Variants in CSPP1 observed in about 807,000 individuals in gnomAD.
CSPP1 encodes centrosome and spindle pole associated protein 1, also known as centrosome and spindle pole-associated protein 1.
A neutral mutation model predicts 164.4 loss-of-function variants in CSPP1; 126 were observed. That is an observed-to-expected ratio of 0.77 (90% CI 0.66 to 0.89). CSPP1 has a LOEUF of 0.89. Among genes scored for constraint, CSPP1 ranks in the 40% least tolerant of loss-of-function variants. CSPP1 has a pLI of 0.00. For missense variants in CSPP1, 1,395 were observed against 1,449.8 expected, an observed-to-expected ratio of 0.96 and a Z score of 0.61; for synonymous variants, 472 against 476.7, an observed-to-expected ratio of 0.99 and a Z score of 0.13.
Position 67,064,447 on chromosome 8 carries a change from G to T in CSPP1, c.-102G>T. The T allele has an allele frequency of 1.2e-6, 2 of 1,613,982 alleles. No homozygotes were observed. The highest frequency in any genetic ancestry group is 1.3e-5 in the African/African-American group (1 of 75,060). ...CGCTGTAACCTCTTCGGTCCGCGAC[G>T]ATCCTCTAGAGCACTGTGTGTCTCC... On this transcript the variant is annotated 5_prime_UTR_variant, in exon 1 of 31. Coordinates refer to ENST00000678616, the MANE Select transcript of CSPP1 (RefSeq NM_001382391.1).
chr8:67,123,716 A>G (rs117618916), intron 15 of CSPP1, among the ~76,000 whole-genome samples: 2,991 of 151,054 alleles, frequency 0.02, 58 homozygotes, highest in Non-Finnish European at 0.033. Flanking sequence ...GGCTCAAGCA[A>G]TCCTTCCACT....
chr8:67,122,938 C>G (rs1157405485), intron 15 of CSPP1: 1 of 152,252 alleles, frequency 6.6e-6, no homozygotes, highest in Non-Finnish European at 1.5e-5. Flanking sequence ...GCTCTGTCAC[C>G]CAAGCTGGAA....
At position 67,195,639 on chromosome 8, in the gene CSPP1, A is replaced by ATAT. The variant is rs752492612; in HGVS notation, c.*47_*48insATT. The ATAT allele has an allele frequency of 7.8e-6, 12 of 1,538,934 alleles. No individual in the cohort carries two copies. Among genetic ancestry groups the ATAT allele is most frequent in the Non-Finnish European group, 1.1e-5 (12 of 1,116,782 alleles). The stretch of plus-strand genomic sequence containing the variant: ...AGTAGTGCCTTTTAAGGTGAAAGGA[A>ATAT]TGGTAAATCTGTACCTTTAATATGT... On this transcript the variant is annotated 3_prime_UTR_variant, in exon 31 of 31. Transcript: ENST00000678616.
chr8:67,194,738 T>TATTA (rs568882329), intron 30 of CSPP1, among the ~76,000 whole-genome samples: 395 of 151,776 alleles, frequency 2.6e-3, no homozygotes, highest in Non-Finnish European at 3.8e-3. Context: ...CAGATTTTCC[T>TATTA]ATTATTATAC....
chr8:67,077,437 G>A (rs1808189049), intron 3 of CSPP1, among the ~76,000 whole-genome samples: 1 of 152,108 alleles, frequency 6.6e-6, no homozygotes. Flanking sequence ...CCAGGTTCAG[G>A]CGATTCTCCT....
intron 4 of CSPP1, among the ~76,000 whole-genome samples, chr8:67,087,810 G>C (rs1472873166): frequency 1.3e-5 from 2 of 152,158 alleles, no homozygotes; most frequent in African/African-American, 4.8e-5. Context: ...TTCTTAAATA[G>C]CTTGTGAAGA....
rs1563637528 is a variant in CSPP1, at chr8:67,131,256, G to T, written c.1698-695G>T. Among the ~76,000 whole-genome samples the T allele has an allele frequency of 3.3e-5, 5 of 152,050 alleles. No individual in the cohort carries two copies. In the South Asian group the frequency reaches 6.2e-4, roughly 19 times the overall value. On this transcript the variant is annotated intron_variant, in intron 15 of 30. Coordinates refer to ENST00000678616, the MANE Select transcript of CSPP1 (RefSeq NM_001382391.1). Reference sequence around the variant, plus strand: ...AAAAAAGTGAGCCATGCATGGTGATGTGCACCTATACCCCCAGCTATTTGA... The same window carrying T: ...AAAAAAGTGAGCCATGCATGGTGATTTGCACCTATACCCCCAGCTATTTGA...
At chr8:67,132,148 A>G (rs1030085448) in intron 16 of CSPP1, 68 bp downstream of exon 16, 5 of 1,448,816 alleles carry the variant, frequency 3.5e-6, no homozygotes, top group African/African-American at 2.9e-5. Context: ...CTTAGAGCTC[A>G]GAGTGTGGCC....
intron 10 of CSPP1, among the ~76,000 whole-genome samples, chr8:67,112,279 T>A (rs1817020783): frequency 6.6e-6 from 1 of 151,722 alleles, no homozygotes; most frequent in Non-Finnish European, 1.5e-5. Flanking sequence ...TGAGAGTATT[T>A]ATATATTCTG....
At chr8:67,182,753 A>G (rs1360510067) in intron 28 of CSPP1, among the ~76,000 whole-genome samples, 2 of 152,190 alleles carry the variant, frequency 1.3e-5, no homozygotes, top group Non-Finnish European at 1.5e-5. Flanking sequence ...ACATCTTTAC[A>G]TGTGCTTATT....
chr8:67,168,079 G>A (rs555552165), intron 24 of CSPP1, among the ~76,000 whole-genome samples: 6 of 152,332 alleles, frequency 3.9e-5, no homozygotes, highest in Admixed American at 2.0e-4. Flanking sequence ...CAGATCACTC[G>A]TGGTTAGGAG....
intron 16 of CSPP1, among the ~76,000 whole-genome samples, chr8:67,137,144 G>T (rs916819256): frequency 2.0e-5 from 3 of 151,926 alleles, no homozygotes; most frequent in South Asian, 2.1e-4. Context: ...ACCACACCCA[G>T]CTAATTTTTG....
At chr8:67,168,152 T>C (rs1460427753) in intron 24 of CSPP1, among the ~76,000 whole-genome samples, 5 of 152,002 alleles carry the variant, frequency 3.3e-5, no homozygotes, top group Non-Finnish European at 1.5e-5. Context: ...CGAAAACTAG[T>C]CAGGCGTGGT....
chr8:67,090,472 A>AG (rs1260912649), intron 4 of CSPP1, among the ~76,000 whole-genome samples: 1 of 151,896 alleles, frequency 6.6e-6, no homozygotes, highest in African/African-American at 2.4e-5. Flanking sequence ...TTTTTAGTAG[A>AG]GGGGGTTTCG....
In CSPP1 at chr8:67,064,418, T is replaced by G. The variant is rs1805068459; in HGVS notation, c.-131T>G. The G allele has an allele frequency of 6.2e-7, 1 of 1,613,784 alleles. No homozygotes were observed. Among genetic ancestry groups the G allele is most frequent in the Non-Finnish European group, 8.5e-7 (1 of 1,179,872 alleles). ...TCTGTCATGCTGTTCCCGCTCCAGG[T>G]GGCCGCTGTAACCTCTTCGGTCCGC... On this transcript the variant is annotated 5_prime_UTR_variant, in exon 1 of 31. Coordinates refer to ENST00000678616, the MANE Select transcript of CSPP1 (RefSeq NM_001382391.1).
intron 18 of CSPP1, among the ~76,000 whole-genome samples, chr8:67,152,086 C>CA (rs1185447488): frequency 0.015 from 838 of 56,856 alleles, 11 homozygotes; most frequent in East Asian, 0.035. Flanking sequence ...GACTCCATCT[C>CA]AAAAAAAAAA....
At position 67,116,051 on chromosome 8, in the gene CSPP1, T is replaced by C. The variant is rs769160277; in HGVS notation, c.1425T>C (p.His475=). The change falls in exon 13 of 31, where the codon CAT becomes CAC. Residue 475 remains histidine, a synonymous_variant. Coordinates refer to ENST00000678616, the MANE Select transcript of CSPP1 (RefSeq NM_001382391.1). ...CTGTCCCACCCATCCCATCAGTTCA[T>C]CCTGTTCCTTCTCAAAATGAAGATT... ...APSVPPIPSV[H]PVPSQNEDLR... is the part of the protein sequence containing the mutation. 1.2e-6 allele frequency: 2 copies of C among 1,614,140 alleles called. No individual in the cohort carries two copies. Among genetic ancestry groups the C allele is most frequent in the Non-Finnish European group, 1.7e-6 (2 of 1,180,010 alleles).
In CSPP1 at chr8:67,118,246, A is replaced by C. The variant is rs766633448; in HGVS notation, c.1497-2A>C. The C allele has an allele frequency of 5.6e-6, 9 of 1,612,176 alleles. No homozygotes were observed. Among genetic ancestry groups the C allele is most frequent in the Non-Finnish European group, 7.6e-6 (9 of 1,179,212 alleles). ...GAATTTTTCATCTTTCTTTTCATACAGGATTGCACCTCTGCCTCCACCTCC... is the reference window on the plus strand; with the variant it reads ...GAATTTTTCATCTTTCTTTTCATACCGGATTGCACCTCTGCCTCCACCTCC... On this transcript the variant is annotated splice_acceptor_variant, in intron 13 of 30. Transcript: ENST00000678616. LOFTEE classifies it high-confidence loss of function.
intron 26 of CSPP1, among the ~76,000 whole-genome samples, chr8:67,177,070 CAAAAAAAAAAAA>C (rs36084458): frequency 1.3e-4 from 7 of 51,864 alleles, no homozygotes; most frequent in African/African-American, 5.0e-4. Flanking sequence ...GACTTAGTCT[CAAAAAAAAAAAA>C]AAAAAAAAAA....
Sources: gnomAD v4.1 joint callset for allele counts (sites outside exome capture counted in the v4.1 genomes callset) on GRCh38, gnomAD v4.1.1 for gene constraint, MANE v1.5 for transcripts, NCBI Gene and HGNC (gene_info 2026-07-23, HGNC 2026-07-21) for gene names.